SLC1A1: variants seen among roughly 807,000 people sequenced by gnomAD.
The protein encoded by SLC1A1 is excitatory amino acid transporter 3.
A neutral mutation model predicts 53.3 loss-of-function variants in SLC1A1; 43 were observed. The ratio of observed to expected loss-of-function variants is 0.81; its 90% CI spans 0.63 to 1.04. SLC1A1 has a LOEUF of 1.04. Ranked by LOEUF, SLC1A1 falls within the 50% of genes least tolerant of loss-of-function variation. SLC1A1 has a pLI of 0.00. For missense variants in SLC1A1, 748 were observed against 664.9 expected (o/e 1.12, Z -1.37); for synonymous variants, 307 against 243.2 (o/e 1.26, Z -2.44).
chr9:4,507,624 G>C (rs1007957276), intron 1 of SLC1A1, among the ~76,000 whole-genome samples: 1 of 152,140 alleles, frequency 6.6e-6, no homozygotes, highest in Admixed American at 6.5e-5. Context: ...GGAGTCATGA[G>C]GAAGAGCATT....
At chr9:4,576,788 G>C (rs375261823) in intron 10 of SLC1A1, 25 bp downstream of exon 10, 1 of 1,597,072 alleles carries the variant, frequency 6.3e-7, no homozygotes, top group Non-Finnish European at 8.6e-7. Flanking sequence ...CACATTCATT[G>C]TCATCACTGA....
chr9:4,528,617 T>TACCAGAGTATA (rs1364763346), intron 1 of SLC1A1, among the ~76,000 whole-genome samples: 2 of 152,094 alleles, frequency 1.3e-5, no homozygotes, highest in African/African-American at 4.8e-5. Flanking sequence ...GATTTTCTTA[T>TACCAGAGTATA]AGTTTGAGAG....
intron 1 of SLC1A1, among the ~76,000 whole-genome samples, chr9:4,515,445 A>G (rs1243300777): frequency 6.6e-6 from 1 of 152,170 alleles, no homozygotes; most frequent in East Asian, 1.9e-4. Flanking sequence ...ATGTGCAGGT[A>G]TCCAGGTAGA....
At chr9:4,576,945 G>C in intron 10 of SLC1A1, among the ~76,000 whole-genome samples, 182 bp downstream of exon 10, 1 of 152,138 alleles carries the variant, frequency 6.6e-6, no homozygotes, top group East Asian at 1.9e-4. Flanking sequence ...TCGGGGTCTG[G>C]GTAGCCAAAG....
intron 1 of SLC1A1, among the ~76,000 whole-genome samples, chr9:4,507,097 G>A (rs972762877): frequency 1.3e-5 from 2 of 152,174 alleles, no homozygotes; most frequent in Admixed American, 6.5e-5. Flanking sequence ...AGCTGAGCGT[G>A]GTGGTGGGCA....
intron 1 of SLC1A1, among the ~76,000 whole-genome samples, chr9:4,509,093 G>A (rs989828482): frequency 6.6e-6 from 1 of 152,114 alleles, no homozygotes; most frequent in African/African-American, 2.4e-5. Flanking sequence ...TTAAGGGGTG[G>A]GTAGGAGTTT....
At chr9:4,493,307 G>C (rs1820300998) in intron 1 of SLC1A1, among the ~76,000 whole-genome samples, 1 of 152,184 alleles carries the variant, frequency 6.6e-6, no homozygotes, top group Non-Finnish European at 1.5e-5. Flanking sequence ...TTTCTTCAGA[G>C]TACTGGGCCT....
chr9:4,552,839 G>C (rs1372222733), intron 2 of SLC1A1, among the ~76,000 whole-genome samples: 1 of 151,250 alleles, frequency 6.6e-6, no homozygotes, highest in East Asian at 1.9e-4. Context: ...ACTCTTTTTT[G>C]TCTGAGACCT....
rs1003838241 is a variant in SLC1A1, at chr9:4,585,718, C to T, written c.*160C>T. 9.5e-5 allele frequency: 87 copies of T among 917,528 alleles called. No homozygotes were observed. Among genetic ancestry groups the T allele is most frequent in the Non-Finnish European group, 1.2e-4 (71 of 606,456 alleles). 56.8% of individuals were successfully genotyped at this position (917,528 alleles called of 1,614,324 possible). A position where few individuals can be genotyped will look rare whatever the true frequency, so the allele number is the denominator to read the frequency against. ...TCTATATTTGGATTCACAGCCTTTG[C>T]GCTCTGGGTTTTGGGATTTGGGTGT... On this transcript the variant is annotated 3_prime_UTR_variant, in exon 12 of 12. Coordinates refer to ENST00000262352, the MANE Select transcript of SLC1A1 (RefSeq NM_004170.6).
intron 1 of SLC1A1, among the ~76,000 whole-genome samples, chr9:4,495,660 G>T (rs1820388808): frequency 6.6e-6 from 1 of 152,060 alleles, no homozygotes; most frequent in South Asian, 2.1e-4. Flanking sequence ...TAGAATGAGG[G>T]AGGGAAAGAG....
chr9:4,499,696 G>A (rs1820568948), intron 1 of SLC1A1, among the ~76,000 whole-genome samples: 1 of 152,218 alleles, frequency 6.6e-6, no homozygotes. Flanking sequence ...CTCCTATGAG[G>A]AAGACTGAAT....
intron 1 of SLC1A1, among the ~76,000 whole-genome samples, chr9:4,520,426 G>A (rs200911358): frequency 1.1e-4 from 16 of 151,758 alleles, no homozygotes; most frequent in East Asian, 1.9e-4. Flanking sequence ...TTTTTTCCCC[G>A]TTTTAAAAAT....
rs769532420 is a variant in SLC1A1, at chr9:4,490,696, G to C, written c.17G>C (p.Arg6Thr). The C allele has an allele frequency of 1.9e-6, 3 of 1,612,730 alleles. No homozygotes were observed. The highest frequency in any genetic ancestry group is 1.7e-5 in the Admixed American group (1 of 59,964). The change falls in exon 1 of 12, where the codon AGG (arginine) becomes ACG (threonine). Residue 6 changes from arginine to threonine, a missense_variant. Transcript: ENST00000262352. Reference protein sequence around the residue: MGKPARKGCEWKRFLK... With the variant: MGKPATKGCEWKRFLK... ...GCGACAGCCATGGGGAAACCGGCGA[G>C]GAAAGGATGCGAGTGGAAGCGCTTC...
intron 1 of SLC1A1, among the ~76,000 whole-genome samples, chr9:4,533,372 T>C (rs1028865154): frequency 3.9e-5 from 6 of 151,910 alleles, no homozygotes; most frequent in African/African-American, 1.4e-4. Flanking sequence ...GAGGAAGATC[T>C]ACCAAGCAAA....
rs578223900 is a variant in SLC1A1, at chr9:4,507,725, A to G, written c.91+16955A>G. On this transcript the variant is annotated intron_variant, in intron 1 of 11. Coordinates refer to ENST00000262352, the MANE Select transcript of SLC1A1 (RefSeq NM_004170.6). ...TACTTCGACTTAGCATTCTGAGTTC[A>G]GAGTTCGCCCAGGAGTTCCAGGCTT... Among the ~76,000 whole-genome samples the G allele has an allele frequency of 7.2e-5, 11 of 152,284 alleles. No individual in the cohort carries two copies. The South Asian group carries it at 2.1e-3, about 29-fold the overall frequency.
At chr9:4,580,001 A>G (rs1820907840) in intron 10 of SLC1A1, among the ~76,000 whole-genome samples, 1 of 152,184 alleles carries the variant, frequency 6.6e-6, no homozygotes, top group African/African-American at 2.4e-5. Flanking sequence ...TGGGTGAATC[A>G]CTTGAGTCCA....
intron 2 of SLC1A1, among the ~76,000 whole-genome samples, chr9:4,555,453 C>T (rs2130899666): frequency 6.6e-6 from 1 of 152,248 alleles, no homozygotes; most frequent in South Asian, 2.1e-4. Context: ...ATTGTTTAGC[C>T]AGGCAACTGC....
Position 4,586,208 on chromosome 9 carries a change from T to C in SLC1A1, c.*650T>C, listed in dbSNP as rs1029718081. On this transcript the variant is annotated 3_prime_UTR_variant, in exon 12 of 12. Coordinates refer to ENST00000262352, the MANE Select transcript of SLC1A1 (RefSeq NM_004170.6). ...GTAACTGTTAACCCAGTGTTCAGCA[T>C]AGAGCTATATATATATATATATGTA... is the stretch of plus-strand genomic sequence containing the variant. The C allele has an allele frequency of 2.7e-5, 4 of 148,804 alleles. No homozygotes were observed. The highest frequency in any genetic ancestry group is 6.8e-5 in the Admixed American group (1 of 14,670). 9.2% of individuals were successfully genotyped at this position (148,804 alleles called of 1,614,324 possible).
chr9:4,563,353 G>A (rs1819165495), intron 3 of SLC1A1, among the ~76,000 whole-genome samples: 1 of 152,166 alleles, frequency 6.6e-6, no homozygotes, highest in South Asian at 2.1e-4. Flanking sequence ...TGAGTTTCCT[G>A]AGGAAGACAG....
Sources: gnomAD v4.1 joint callset for allele counts (sites outside exome capture counted in the v4.1 genomes callset) on GRCh38, gnomAD v4.1.1 for gene constraint, MANE v1.5 for transcripts, NCBI Gene and HGNC (gene_info 2026-07-23, HGNC 2026-07-21) for gene names.